OPCML: variants seen among roughly 807,000 people sequenced by gnomAD.
OPCML encodes opioid binding protein/cell adhesion molecule like, also known as opioid-binding protein/cell adhesion molecule.
OPCML carries 13 observed loss-of-function variants against 37.8 expected under a neutral mutation model. The observed-to-expected ratio is 0.34, with a 90% CI of 0.22 to 0.55. The LOEUF is 0.55. Ranked by LOEUF, OPCML falls within the 20% of genes least tolerant of loss-of-function variation. The pLI is 0.91. For synonymous variants in OPCML, 176 were observed against 168.8 expected (o/e 1.04, Z -0.33); for missense variants, 341 against 435.6 (o/e 0.78, Z 1.93).
chr11:133,516,197 TG>T (rs1349337907), intron 1 of OPCML, among the ~76,000 whole-genome samples: 1 of 152,112 alleles, frequency 6.6e-6, no homozygotes, highest in East Asian at 1.9e-4. Context: ...AGTGCAGCTC[TG>T]GGGAAGGCTC....
intron 3 of OPCML, among the ~76,000 whole-genome samples, chr11:132,654,964 T>C (rs1013802153): frequency 6.6e-6 from 1 of 152,132 alleles, no homozygotes; most frequent in Non-Finnish European, 1.5e-5. Flanking sequence ...CATGCTGTCC[T>C]TAGACTTTTT....
chr11:133,141,258 T>A (rs577079742), intron 1 of OPCML, among the ~76,000 whole-genome samples: 1 of 151,872 alleles, frequency 6.6e-6, no homozygotes. Flanking sequence ...CACCCATTTC[T>A]CCACTGACAT....
intron 2 of OPCML, among the ~76,000 whole-genome samples, chr11:132,750,073 G>A (rs945624125): frequency 1.3e-5 from 2 of 152,020 alleles, no homozygotes; most frequent in African/African-American, 4.8e-5. Context: ...AGTAAAGACG[G>A]GGTTTTGCCC....
intron 2 of OPCML, among the ~76,000 whole-genome samples, chr11:132,894,060 C>T (rs1200243385): frequency 6.6e-6 from 1 of 152,118 alleles, no homozygotes; most frequent in Non-Finnish European, 1.5e-5. Flanking sequence ...CTCTAAATAA[C>T]CAGATTTCTT....
rs575273806 is a variant in OPCML at position 132,977,227 on chromosome 11, GT to G, written c.62-34218del. Among the ~76,000 whole-genome samples, 52 of 152,212 alleles carry G rather than the reference GT, an allele frequency of 3.4e-4. No homozygotes were observed. In the East Asian group the frequency reaches 5.8e-3, roughly 17 times the overall value. ...GATATTTTTGTTTATGAAGAGCTTT[GT>G]TTTTTTGCTTGTTGAAAACACTTAT... On this transcript the variant is annotated intron_variant, in intron 1 of 7. Transcript: ENST00000524381.
intron 1 of OPCML, among the ~76,000 whole-genome samples, chr11:133,213,083 C>T (rs910147502): frequency 1.3e-5 from 2 of 152,206 alleles, no homozygotes; most frequent in South Asian, 2.1e-4. Flanking sequence ...TGTAGAGCAA[C>T]ACCATGGACT....
At chr11:132,521,576 G>A (rs1482048698) in intron 4 of OPCML, among the ~76,000 whole-genome samples, 1 of 151,954 alleles carries the variant, frequency 6.6e-6, no homozygotes, top group Non-Finnish European at 1.5e-5. Flanking sequence ...CTGGACACAG[G>A]GAGGAGAACA....
chr11:133,099,575 C>T, intron 1 of OPCML, among the ~76,000 whole-genome samples: 1 of 151,942 alleles, frequency 6.6e-6, no homozygotes, highest in African/African-American at 2.4e-5. Flanking sequence ...ACATGAGCCA[C>T]CTCGCCTGGC....
intron 2 of OPCML, among the ~76,000 whole-genome samples, chr11:132,780,344 G>A (rs888608731): frequency 6.6e-6 from 1 of 152,198 alleles, no homozygotes; most frequent in Non-Finnish European, 1.5e-5. Context: ...CCAACGGTAG[G>A]AAGACCAAGG....
At chr11:133,124,067 G>A (rs1199959615) in intron 1 of OPCML, among the ~76,000 whole-genome samples, 1 of 151,926 alleles carries the variant, frequency 6.6e-6, no homozygotes, top group Non-Finnish European at 1.5e-5. Context: ...TCTATGCTTT[G>A]CAGGTGGGTA....
At position 133,136,525 on chromosome 11, in the gene OPCML, ATAGAGC is replaced by A. The variant is rs77098392; in HGVS notation, c.62-193521_62-193516del. 2.4e-4 allele frequency among the ~76,000 whole-genome samples: 37 copies of A among 152,300 alleles called. No homozygotes were observed. The East Asian group carries it at 7.1e-3, about 29-fold the overall frequency. ...GTCTTGGAAGCATCTAACACTAAAA[ATAGAGC>A]TGCTTCCTAATGGGCTGGGTTGGCT... On this transcript the variant is annotated intron_variant, in intron 1 of 7. Transcript: ENST00000524381.
intron 1 of OPCML, among the ~76,000 whole-genome samples, chr11:133,060,192 C>T (rs1234789137): frequency 1.3e-5 from 2 of 150,896 alleles, no homozygotes; most frequent in African/African-American, 4.9e-5. Flanking sequence ...CCCTCTCCTT[C>T]TCCCTCTCCC....
chr11:133,403,997 G>C (rs1420221258), intron 1 of OPCML, among the ~76,000 whole-genome samples: 2 of 152,192 alleles, frequency 1.3e-5, no homozygotes, highest in Non-Finnish European at 2.9e-5. Context: ...TTCTCTCACA[G>C]TTCTGGAGGC....
chr11:132,694,889 A>T (rs1943547210), intron 2 of OPCML, among the ~76,000 whole-genome samples: 1 of 117,492 alleles, frequency 8.5e-6, no homozygotes, highest in Non-Finnish European at 1.8e-5. Flanking sequence ...AGACCAGGAA[A>T]TGGCAAGACT....
chr11:133,258,556 A>T (rs1375624176), intron 1 of OPCML, among the ~76,000 whole-genome samples: 1 of 152,148 alleles, frequency 6.6e-6, no homozygotes, highest in African/African-American at 2.4e-5. Context: ...CTTCTACAGG[A>T]GGTTTTCCTG....
rs75010702 is a variant in OPCML at position 133,318,763 on chromosome 11, G to A, written c.61+213501C>T. Among the ~76,000 whole-genome samples, 1,376 of 152,280 alleles carry A rather than the reference G, an allele frequency of 9.0e-3. 24 individuals are homozygous for A. Among genetic ancestry groups the A allele is most frequent in the African/African-American group, 0.031 (1,298 of 41,550 alleles). ...CCTAAAAATTCATGAGGGGCTGGGA[G>A]CAGTGGTTCACGCCTGTAATCTCAG... On this transcript the variant is annotated intron_variant, in intron 1 of 7. Transcript: ENST00000524381.
At chr11:133,253,005 G>A (rs1941189144) in intron 1 of OPCML, among the ~76,000 whole-genome samples, 1 of 152,062 alleles carries the variant, frequency 6.6e-6, no homozygotes, top group South Asian at 2.1e-4. Context: ...AATTAGCTGG[G>A]CGTGGTGGTG....
intron 1 of OPCML, among the ~76,000 whole-genome samples, chr11:133,303,583 T>A (rs1232135728): frequency 6.6e-6 from 1 of 152,202 alleles, no homozygotes; most frequent in African/African-American, 2.4e-5. Context: ...TGCATCACAA[T>A]GGATATTTGA....
intron 4 of OPCML, among the ~76,000 whole-genome samples, chr11:132,458,782 A>G (rs1234434007): frequency 2.0e-5 from 3 of 152,228 alleles, no homozygotes; most frequent in Non-Finnish European, 4.4e-5. Context: ...AATGTCTGCC[A>G]TAATAGAGAC....
Sources: allele counts gnomAD v4.1 joint callset (sites outside exome capture counted in the v4.1 genomes callset), GRCh38; gene constraint gnomAD v4.1.1; transcripts MANE v1.5; gene names NCBI Gene and HGNC (gene_info 2026-07-23, HGNC 2026-07-21).